STXBP5L: variants seen among roughly 807,000 people sequenced by gnomAD.
STXBP5L encodes the protein syntaxin-binding protein 5-like.
STXBP5L carries 65 observed loss-of-function variants against 144.5 expected under a neutral mutation model. The observed-to-expected ratio is 0.45, with a 90% CI of 0.37 to 0.55. STXBP5L has a LOEUF of 0.55. STXBP5L is among the 20% of genes least tolerant of loss of function. The pLI is 0.00. For missense variants in STXBP5L, 1,298 were observed against 1,405.5 expected, an observed-to-expected ratio of 0.92 and a Z score of 1.22; for synonymous variants, 505 against 469.6, an observed-to-expected ratio of 1.08 and a Z score of -0.97.
chr3:121,319,935 T>C (rs2043914347), intron 20 of STXBP5L, among the ~76,000 whole-genome samples: 1 of 152,278 alleles, frequency 6.6e-6, no homozygotes, highest in African/African-American at 2.4e-5. Context: ...CTGGGCAACA[T>C]AGTGAGACCC....
chr3:121,132,053 A>G (rs369901219), intron 7 of STXBP5L, among the ~76,000 whole-genome samples: 11 of 152,146 alleles, frequency 7.2e-5, no homozygotes, highest in African/African-American at 2.2e-4. Context: ...TAGCACCTCA[A>G]TTTTTCCAAA....
intron 2 of STXBP5L, among the ~76,000 whole-genome samples, chr3:120,941,495 TA>T (rs955313620): frequency 2.4e-4 from 37 of 151,588 alleles, no homozygotes; most frequent in African/African-American, 8.7e-4. Flanking sequence ...ACTGTACTTT[TA>T]AAAAAAATTT....
At chr3:121,408,876 G>A (rs2047055351) in intron 23 of STXBP5L, among the ~76,000 whole-genome samples, 2 of 151,862 alleles carry the variant, frequency 1.3e-5, no homozygotes, top group South Asian at 4.1e-4. Flanking sequence ...GTTAAATCTC[G>A]AGGTTAGAAG....
At chr3:121,288,822 G>T (rs146550696) in intron 19 of STXBP5L, among the ~76,000 whole-genome samples, 1 of 152,166 alleles carries the variant, frequency 6.6e-6, no homozygotes, top group East Asian at 1.9e-4. Flanking sequence ...TTTTATAGCT[G>T]TGCTCAAGCT....
At chr3:121,094,935 G>A (rs950048966) in intron 5 of STXBP5L, among the ~76,000 whole-genome samples, 5 of 152,112 alleles carry the variant, frequency 3.3e-5, no homozygotes, top group African/African-American at 1.2e-4. Context: ...CATGTTTAGT[G>A]CTTCCTTCAG....
chr3:121,080,190 T>A (rs1046609216), intron 5 of STXBP5L, among the ~76,000 whole-genome samples: 1 of 152,186 alleles, frequency 6.6e-6, no homozygotes, highest in Non-Finnish European at 1.5e-5. Context: ...TGTTTCCAGC[T>A]CTTTACCTTA....
intron 3 of STXBP5L, among the ~76,000 whole-genome samples, chr3:121,023,980 G>A (rs1039913978): frequency 6.6e-6 from 1 of 151,932 alleles, no homozygotes; most frequent in Non-Finnish European, 1.5e-5. Flanking sequence ...GGATGGTCTC[G>A]ATCTCCTGAC....
At chr3:120,950,955 A>T (rs1362526817) in intron 2 of STXBP5L, among the ~76,000 whole-genome samples, 1 of 152,120 alleles carries the variant, frequency 6.6e-6, no homozygotes, top group Non-Finnish European at 1.5e-5. Context: ...ACCAAAACAG[A>T]TATAGATCAA....
At chr3:121,378,256 C>T (rs1160028503) in intron 20 of STXBP5L, among the ~76,000 whole-genome samples, 2 of 152,162 alleles carry the variant, frequency 1.3e-5, no homozygotes, top group African/African-American at 4.8e-5. Context: ...TTTATAGGTA[C>T]AGCAAACCAC....
At chr3:121,037,927 A>G (rs1235259293) in intron 3 of STXBP5L, among the ~76,000 whole-genome samples, 1 of 151,940 alleles carries the variant, frequency 6.6e-6, no homozygotes, top group East Asian at 1.9e-4. Context: ...TAGATTGTCA[A>G]ATTTATTGGC....
At chr3:121,326,730 G>A (rs1285677699) in intron 20 of STXBP5L, among the ~76,000 whole-genome samples, 1 of 151,952 alleles carries the variant, frequency 6.6e-6, no homozygotes, top group Non-Finnish European at 1.5e-5. Context: ...TTAATTGTGT[G>A]CCAGTGTTCA....
intron 3 of STXBP5L, 92 bp from the exon 4 acceptor site, chr3:121,041,608 G>T: frequency 1.0e-6 from 1 of 954,922 alleles, no homozygotes; most frequent in Non-Finnish European, 1.6e-6. Flanking sequence ...AAACCAAATA[G>T]CAAAACATCT....
intron 8 of STXBP5L, 89 bp from the exon 9 acceptor site, chr3:121,157,415 A>T (rs919161145): frequency 1.8e-5 from 23 of 1,297,764 alleles, no homozygotes; most frequent in Non-Finnish European, 2.1e-5. Context: ...TAATAATTTT[A>T]TATCAGAATA....
At chr3:121,188,273 C>T (rs1266177146) in intron 9 of STXBP5L, among the ~76,000 whole-genome samples, 2 of 152,116 alleles carry the variant, frequency 1.3e-5, no homozygotes, top group African/African-American at 4.8e-5. Flanking sequence ...CCATATTGAC[C>T]ACATAGTTGA....
rs1297776371 is a variant in STXBP5L at position 120,969,358 on chromosome 3, T to C, written c.287+14321T>C. Among the ~76,000 whole-genome samples the C allele has an allele frequency of 2.6e-5, 4 of 151,896 alleles. No individual in the cohort carries two copies. In the East Asian group the frequency reaches 7.7e-4, roughly 29 times the overall value. ...GTGTATCTTTTTTGAGAATTATCTA[T>C]TCATGTCCTTTGCTCATTTTTCGAT... On this transcript the variant is annotated intron_variant, in intron 3 of 26. Transcript: ENST00000471454.
intron 18 of STXBP5L, 86 bp downstream of exon 18, chr3:121,259,254 G>A: frequency 9.2e-7 from 1 of 1,086,870 alleles, no homozygotes; most frequent in Non-Finnish European, 1.2e-6. Context: ...TCCTAAAAAT[G>A]AAAAGAAGCC....
At chr3:121,394,734 A>G (rs184776516) in intron 22 of STXBP5L, among the ~76,000 whole-genome samples, 195 of 150,552 alleles carry the variant, frequency 1.3e-3, no homozygotes, top group African/African-American at 4.7e-3. Flanking sequence ...CCTCCTGAGT[A>G]GCTGGGACTA....
At chr3:121,258,837 G>A (rs2050293234) in intron 17 of STXBP5L, among the ~76,000 whole-genome samples, 1 of 152,012 alleles carries the variant, frequency 6.6e-6, no homozygotes, top group African/African-American at 2.4e-5. Flanking sequence ...GGACCTAACT[G>A]GCTGAAAAGC....
At chr3:121,342,344 C>T (rs1472231255) in intron 20 of STXBP5L, among the ~76,000 whole-genome samples, 1 of 151,976 alleles carries the variant, frequency 6.6e-6, no homozygotes, top group Non-Finnish European at 1.5e-5. Context: ...TACTAGAATA[C>T]TATTTTTTTA....
Sources: gnomAD v4.1 joint callset for allele counts (sites outside exome capture counted in the v4.1 genomes callset) on GRCh38, gnomAD v4.1.1 for gene constraint, MANE v1.5 for transcripts, NCBI Gene and HGNC (gene_info 2026-07-23, HGNC 2026-07-21) for gene names.